Variants in PAN3 observed in about 807,000 individuals in gnomAD.
PAN3 encodes poly(A) specific ribonuclease subunit PAN3.
In PAN3, 19 loss-of-function variants were observed where a neutral mutation model predicts 96.2. That is an observed-to-expected ratio of 0.20 (90% CI 0.14 to 0.29). The LOEUF is 0.29. Ranked by LOEUF, PAN3 falls within the 10% of genes least tolerant of loss-of-function variation. The pLI is 1.00. For synonymous variants in PAN3, 433 were observed against 406.6 expected, an observed-to-expected ratio of 1.06 and a Z score of -0.78; for missense variants, 882 against 1,108.1, an observed-to-expected ratio of 0.80 and a Z score of 2.90.
intron 15 of PAN3, 110 bp downstream of exon 15, chr13:28,277,486 C>G (rs1163365109): frequency 5.5e-6 from 6 of 1,096,870 alleles, no homozygotes; most frequent in Non-Finnish European, 7.8e-6. Flanking sequence ...TCAAGCAAAA[C>G]AGAAACTTTA....
chr13:28,162,646 T>TAAA (rs59805706), intron 1 of PAN3, among the ~76,000 whole-genome samples: 32 of 140,168 alleles, frequency 2.3e-4, no homozygotes, highest in African/African-American at 7.5e-4. Flanking sequence ...GACTCTGCCT[T>TAAA]AAAAAAAAAA....
At chr13:28,159,623 T>C (rs990479432) in intron 1 of PAN3, among the ~76,000 whole-genome samples, 8 of 152,082 alleles carry the variant, frequency 5.3e-5, no homozygotes, top group African/African-American at 1.7e-4. Flanking sequence ...TAATTTTGTA[T>C]TTTTAGTAGA....
chr13:28,138,215 A>C (rs1206508440), upstream of PAN3: 1 of 152,246 alleles, frequency 6.6e-6, no homozygotes, highest in South Asian at 2.1e-4. Flanking sequence ...CGGCCGTCTC[A>C]GGAAGAGGAA....
intron 5 of PAN3, among the ~76,000 whole-genome samples, chr13:28,212,537 A>C (rs1458958552): frequency 1.3e-5 from 2 of 152,240 alleles, no homozygotes; most frequent in African/African-American, 4.8e-5. Flanking sequence ...ACTGATCCAG[A>C]AATAGTTACG....
At chr13:28,174,781 A>G (rs45541836) in intron 2 of PAN3, among the ~76,000 whole-genome samples, 251 of 152,300 alleles carry the variant, frequency 1.6e-3, no homozygotes, top group African/African-American at 5.7e-3. Flanking sequence ...TCACTTTTCC[A>G]GTTAACCTTC....
At chr13:28,255,735 T>C (rs1170133510) in intron 6 of PAN3, among the ~76,000 whole-genome samples, 1 of 152,122 alleles carries the variant, frequency 6.6e-6, no homozygotes, top group Non-Finnish European at 1.5e-5. Flanking sequence ...TAAGCTGCTA[T>C]GTATTTCAAC....
At chr13:28,139,558 C>A in intron 1 of PAN3, among the ~76,000 whole-genome samples, 1 of 26,514 alleles carries the variant, frequency 3.8e-5, no homozygotes, top group African/African-American at 2.4e-4. Context: ...GTGTAGGGGG[C>A]GGGAGGTGAG....
intron 1 of PAN3, among the ~76,000 whole-genome samples, chr13:28,155,631 G>A (rs1872042874): frequency 6.6e-6 from 1 of 152,046 alleles, no homozygotes; most frequent in South Asian, 2.1e-4. Flanking sequence ...ATCGGACATG[G>A]CCCTGGTCAT....
intron 5 of PAN3, among the ~76,000 whole-genome samples, chr13:28,210,459 C>G (rs1410866064): frequency 6.6e-6 from 1 of 152,150 alleles, no homozygotes; most frequent in Non-Finnish European, 1.5e-5. Flanking sequence ...CTTCTGCTGT[C>G]TCCACCAATT....
chr13:28,252,996 A>G (rs1430466748), intron 6 of PAN3, among the ~76,000 whole-genome samples: 2 of 152,158 alleles, frequency 1.3e-5, no homozygotes, highest in Non-Finnish European at 2.9e-5. Flanking sequence ...AAGAATATTT[A>G]TGTGTGAAAC....
intron 6 of PAN3, among the ~76,000 whole-genome samples, chr13:28,254,934 T>C (rs556998250): frequency 3.9e-5 from 6 of 152,240 alleles, no homozygotes; most frequent in Admixed American, 2.6e-4. Context: ...CTACCTACTT[T>C]AGTTGCTCAG....
At chr13:28,231,297 G>A (rs1882532631) in intron 6 of PAN3, among the ~76,000 whole-genome samples, 1 of 152,174 alleles carries the variant, frequency 6.6e-6, no homozygotes, top group South Asian at 2.1e-4. Context: ...CAAGACTGAA[G>A]TTATGTCAAA....
At chr13:28,239,699 CTGTT>C in intron 6 of PAN3, 5 of 1,274,814 alleles carry the variant, frequency 3.9e-6, no homozygotes, top group South Asian at 1.2e-5. Context: ...TATGAGGGGT[CTGTT>C]TGTTTAACTG....
intron 1 of PAN3, among the ~76,000 whole-genome samples, chr13:28,165,159 G>T (rs1406657412): frequency 1.3e-5 from 2 of 152,158 alleles, no homozygotes; most frequent in African/African-American, 4.8e-5. Context: ...TCCTGCCTTG[G>T]CCTCCCAAAG....
intron 6 of PAN3, among the ~76,000 whole-genome samples, chr13:28,238,077 G>GTT (rs1383065452): frequency 6.6e-6 from 1 of 152,150 alleles, no homozygotes; most frequent in Non-Finnish European, 1.5e-5. Context: ...ACAAAACCCC[G>GTT]AGGCACTGCT....
At position 28,220,398 on chromosome 13, in the gene PAN3, C is replaced by T; in HGVS notation, c.1000+20C>T. On this transcript the variant is annotated intron_variant, in intron 6 of 18. Transcript: ENST00000380958. ...CGCCAGGTAAGTTGAGTAACTATTT[C>T]CAGTGAGTTCCAGATACCATGTCTG... 1 of 1,610,070 alleles carries T rather than the reference C, an allele frequency of 6.2e-7. No individual in the cohort carries two copies. Among genetic ancestry groups the T allele is most frequent in the Non-Finnish European group, 8.5e-7 (1 of 1,177,204 alleles).
At chr13:28,215,598 C>T in intron 5 of PAN3, 2 of 865,188 alleles carry the variant, frequency 2.3e-6, no homozygotes, top group Non-Finnish European at 1.9e-6. Flanking sequence ...ACTGAATTGC[C>T]ACACAGCCCA....
chr13:28,292,434 G>A lies in PAN3; in HGVS notation c.2576G>A (p.Ser859Asn), dbSNP rs770595442. 1.2e-6 allele frequency: 2 copies of A among 1,611,966 alleles called. No individual in the cohort carries two copies. The highest frequency in any genetic ancestry group is 8.5e-7 in the Non-Finnish European group (1 of 1,179,256). ...AGCCTGATTTCCAGAGATGAGAAGA[G>A]TGTACTTGTGGTGACCTACAGTGAC... The part of the protein sequence containing the change: ...KISLISRDEK[S>N]VLVVTYSDLK... Residue 859 changes from serine to asparagine, a missense_variant, in exon 19 of 19, where the codon AGT becomes AAT. Ser to Asn is a conservative substitution (Grantham distance 46, BLOSUM62 1). Transcript: ENST00000380958.
At chr13:28,190,503 T>A (rs1370460012) in intron 4 of PAN3, among the ~76,000 whole-genome samples, 1 of 152,258 alleles carries the variant, frequency 6.6e-6, no homozygotes, top group Admixed American at 6.5e-5. Context: ...TAAGCAGTCC[T>A]CCTGCCTTGG....
Sources: gnomAD v4.1 joint callset for allele counts (sites outside exome capture counted in the v4.1 genomes callset) on GRCh38, gnomAD v4.1.1 for gene constraint, MANE v1.5 for transcripts, NCBI Gene and HGNC (gene_info 2026-07-23, HGNC 2026-07-21) for gene names.